The following DENND1A variants were observed in gnomAD, a reference collection of about 807,000 sequenced individuals.
DENND1A encodes DENN domain containing 1A.
Under a neutral mutation model 113.7 loss-of-function variants are expected in DENND1A, and 51 were observed. The ratio of observed to expected loss-of-function variants is 0.45; its 90% CI spans 0.36 to 0.57. DENND1A has a LOEUF of 0.57. Among genes scored for constraint, DENND1A ranks in the 20% least tolerant of loss-of-function variants. The probability of loss-of-function intolerance (pLI) is 0.00; values close to 1 mark genes in which losing one functional copy is unlikely to be tolerated. For missense variants in DENND1A, 1,258 were observed against 1,395.9 expected (o/e 0.90, Z 1.57); for synonymous variants, 565 against 570.8 (o/e 0.99, Z 0.14).
At chr9:123,540,510 G>A (rs1444509059) in intron 13 of DENND1A, among the ~76,000 whole-genome samples, 2 of 152,136 alleles carry the variant, frequency 1.3e-5, no homozygotes, top group African/African-American at 4.8e-5. Context: ...CAGGTATTAA[G>A]ATGACATAAG....
chr9:123,860,381 G>A (rs548737274), intron 2 of DENND1A, among the ~76,000 whole-genome samples: 1 of 152,264 alleles, frequency 6.6e-6, no homozygotes, highest in South Asian at 2.1e-4. Flanking sequence ...TTTTTAATCT[G>A]AATGATTCCC....
intron 13 of DENND1A, among the ~76,000 whole-genome samples, chr9:123,499,235 C>A (rs780551689): frequency 1.3e-5 from 2 of 150,124 alleles, no homozygotes; most frequent in Non-Finnish European, 3.0e-5. Flanking sequence ...GGTTTCACCA[C>A]GTTGGCCAGA....
intron 13 of DENND1A, among the ~76,000 whole-genome samples, chr9:123,481,686 G>T (rs1212029875): frequency 6.6e-6 from 1 of 152,136 alleles, no homozygotes; most frequent in African/African-American, 2.4e-5. Flanking sequence ...TTCCTGGAGG[G>T]GGAACACTTG....
At chr9:123,413,984 T>C (rs2044516711) in intron 19 of DENND1A, 1 of 989,252 alleles carries the variant, frequency 1.0e-6, no homozygotes, top group African/African-American at 1.7e-5. Context: ...ATGCTTGGCC[T>C]TTCTACTTCG....
In DENND1A at chr9:123,457,332, A is replaced by C; in HGVS notation, c.1186+16T>G. On this transcript the variant is annotated intron_variant, in intron 15 of 23. Coordinates refer to ENST00000394215, the MANE Select transcript of DENND1A (RefSeq NM_001352964.2). ...AGCAGCCTGCAGCCCCGGAAGGAAA[A>C]TGAGTTGCTTCTCACCAGCGTACTC... is the stretch of plus-strand genomic sequence containing the variant. The C allele has an allele frequency of 6.2e-7, 1 of 1,606,746 alleles. No individual in the cohort carries two copies. Among genetic ancestry groups the C allele is most frequent in the Non-Finnish European group, 8.5e-7 (1 of 1,173,314 alleles).
chr9:123,739,110 A>T (rs1359367319), intron 5 of DENND1A, among the ~76,000 whole-genome samples: 1 of 152,126 alleles, frequency 6.6e-6, no homozygotes, highest in Admixed American at 6.6e-5. Flanking sequence ...TGTTCTCCAT[A>T]CTCTCAAGAA....
intron 4 of DENND1A, 39 bp downstream of exon 4, chr9:123,769,475 A>G: frequency 6.5e-7 from 1 of 1,549,266 alleles, no homozygotes; most frequent in Non-Finnish European, 8.8e-7. Flanking sequence ...AGGTTTATTG[A>G]TACTTTTTTT....
chr9:123,829,902 C>T (rs1229448077), intron 2 of DENND1A, among the ~76,000 whole-genome samples: 4 of 151,986 alleles, frequency 2.6e-5, no homozygotes, highest in Admixed American at 1.3e-4. Flanking sequence ...AAAGACAATG[C>T]AAGAAAGGAA....
chr9:123,789,242 CAACTT>C (rs905194203), intron 3 of DENND1A, among the ~76,000 whole-genome samples: 1 of 151,848 alleles, frequency 6.6e-6, no homozygotes, highest in African/African-American at 2.4e-5. Flanking sequence ...GTGTCACAGA[CAACTT>C]AAGGAGGAAA....
intron 13 of DENND1A, among the ~76,000 whole-genome samples, chr9:123,524,904 A>G (rs185570244): frequency 6.7e-4 from 102 of 152,334 alleles, no homozygotes; most frequent in African/African-American, 2.2e-3. Flanking sequence ...GATGGGAAGA[A>G]TTTCAACCCA....
chr9:123,696,761 A>G (rs976700792), intron 5 of DENND1A, among the ~76,000 whole-genome samples: 2 of 151,028 alleles, frequency 1.3e-5, no homozygotes, highest in Non-Finnish European at 2.9e-5. Context: ...TTCTTTTGAT[A>G]TATTTTTTAC....
chr9:123,618,417 T>C (rs2060765390), intron 10 of DENND1A, among the ~76,000 whole-genome samples: 1 of 152,140 alleles, frequency 6.6e-6, no homozygotes, highest in African/African-American at 2.4e-5. Context: ...ACGTACAGAA[T>C]GTGTCATGAG....
At chr9:123,515,196 A>G (rs562252658) in intron 13 of DENND1A, among the ~76,000 whole-genome samples, 1 of 152,354 alleles carries the variant, frequency 6.6e-6, no homozygotes, top group South Asian at 2.1e-4. Context: ...GATGATTAGA[A>G]AAGATATTTT....
intron 3 of DENND1A, among the ~76,000 whole-genome samples, chr9:123,773,634 C>A (rs1032355883): frequency 6.6e-6 from 1 of 152,174 alleles, no homozygotes; most frequent in Non-Finnish European, 1.5e-5. Flanking sequence ...AATCCTGCAA[C>A]GACCAACATT....
At chr9:123,903,131 G>C (rs1381126014) in intron 1 of DENND1A, among the ~76,000 whole-genome samples, 2 of 151,462 alleles carry the variant, frequency 1.3e-5, no homozygotes, top group East Asian at 1.9e-4. Flanking sequence ...AGGAGATCGA[G>C]ACCATCCCGG....
chr9:123,450,997 C>T (rs993483011), intron 17 of DENND1A, among the ~76,000 whole-genome samples: 8 of 151,350 alleles, frequency 5.3e-5, no homozygotes, highest in South Asian at 2.1e-4. Context: ...TTTTTCTTTC[C>T]GTTCCAAAGC....
chr9:123,406,223 A>G (rs1411445882), intron 20 of DENND1A, among the ~76,000 whole-genome samples: 1 of 152,204 alleles, frequency 6.6e-6, no homozygotes, highest in African/African-American at 2.4e-5. Flanking sequence ...TTTCCTGTGG[A>G]GTGGCCAGTC....
chr9:123,541,496 C>T (rs564376192), intron 13 of DENND1A, among the ~76,000 whole-genome samples: 3 of 152,228 alleles, frequency 2.0e-5, no homozygotes, highest in South Asian at 2.1e-4. Flanking sequence ...ATTGTGAAGA[C>T]GAGAGTGAAC....
intron 1 of DENND1A, among the ~76,000 whole-genome samples, chr9:123,914,162 C>G (rs897097218): frequency 6.6e-6 from 1 of 151,940 alleles, no homozygotes; most frequent in African/African-American, 2.4e-5. Flanking sequence ...AAATGAAGAC[C>G]ATCAAGGCCT....
Sources: allele counts gnomAD v4.1 joint callset (sites outside exome capture counted in the v4.1 genomes callset), GRCh38; gene constraint gnomAD v4.1.1; transcripts MANE v1.5; gene names NCBI Gene and HGNC (gene_info 2026-07-23, HGNC 2026-07-21).